Variants in IMMP2L observed in about 807,000 individuals in gnomAD.
The protein encoded by IMMP2L is mitochondrial inner membrane protease subunit 2.
A neutral mutation model predicts 19.3 loss-of-function variants in IMMP2L; 18 were observed. That is an observed-to-expected ratio of 0.93 (90% confidence interval 0.64 to 1.38). The LOEUF (loss-of-function observed/expected upper bound fraction) is 1.38. Among genes scored for constraint, IMMP2L ranks in the 40% most tolerant of loss-of-function variants. IMMP2L has a pLI of 0.00. For missense variants in IMMP2L, 233 were observed against 218.2 expected (o/e 1.07, Z -0.43); for synonymous variants, 76 against 73.0 (o/e 1.04, Z -0.21).
At chr7:111,114,467 G>A (rs1799608495) in intron 3 of IMMP2L, among the ~76,000 whole-genome samples, 1 of 152,128 alleles carries the variant, frequency 6.6e-6, no homozygotes, top group South Asian at 2.1e-4. Context: ...GCTGGGCACA[G>A]TGACCCACAC....
intron 1 of IMMP2L, among the ~76,000 whole-genome samples, chr7:111,531,901 T>C (rs1372520506): frequency 6.6e-6 from 1 of 152,072 alleles, no homozygotes; most frequent in Non-Finnish European, 1.5e-5. Flanking sequence ...TCAGGAATAC[T>C]TACTGAATAG....
chr7:111,407,921 G>T (rs1428763713), intron 3 of IMMP2L, among the ~76,000 whole-genome samples: 1 of 152,102 alleles, frequency 6.6e-6, no homozygotes, highest in Non-Finnish European at 1.5e-5. Context: ...TTAGGTTCAA[G>T]AATTGTTCTG....
At chr7:110,963,441 T>G (rs1283981245) in intron 4 of IMMP2L, 59 bp downstream of exon 4, 22 of 1,188,660 alleles carry the variant, frequency 1.9e-5, no homozygotes, top group Non-Finnish European at 2.5e-5. Context: ...CCAAGTAATG[T>G]AGGTAACAGA....
chr7:110,957,795 A>G (rs1818511470), intron 4 of IMMP2L, among the ~76,000 whole-genome samples: 1 of 151,894 alleles, frequency 6.6e-6, no homozygotes, highest in African/African-American at 2.4e-5. Flanking sequence ...GTCTCTTCAA[A>G]CATCTTTTTG....
intron 5 of IMMP2L, among the ~76,000 whole-genome samples, chr7:110,696,945 C>T (rs1793933311): frequency 1.3e-5 from 2 of 152,034 alleles, no homozygotes; most frequent in Non-Finnish European, 2.9e-5. Flanking sequence ...CAATAAACAG[C>T]AATAAAGCCT....
At chr7:111,162,165 AATT>A (rs1226627805) in intron 3 of IMMP2L, among the ~76,000 whole-genome samples, 1 of 152,148 alleles carries the variant, frequency 6.6e-6, no homozygotes, top group Admixed American at 6.6e-5. Flanking sequence ...TTGATAAATA[AATT>A]ATTGATCGCT....
At chr7:111,522,938 T>TATATGTATATATATA (rs199823915) in intron 1 of IMMP2L, among the ~76,000 whole-genome samples, 12 of 148,724 alleles carry the variant, frequency 8.1e-5, no homozygotes, top group Non-Finnish European at 1.2e-4. Context: ...TATATATATA[T>TATATGTATATATATA]TATTTCACCA....
At chr7:110,966,178 T>C (rs1395749469) in intron 3 of IMMP2L, among the ~76,000 whole-genome samples, 2 of 152,050 alleles carry the variant, frequency 1.3e-5, no homozygotes, top group Non-Finnish European at 2.9e-5. Flanking sequence ...AAAATATTAT[T>C]TGTGGCATGA....
rs1312860597 is a variant in IMMP2L, at chr7:111,123,553, A to C, written c.240-159988T>G. The C allele has an allele frequency of 1.9e-6, 3 of 1,613,830 alleles. No individual in the cohort carries two copies. Among genetic ancestry groups the C allele is most frequent in the Non-Finnish European group, 2.5e-6 (3 of 1,179,898 alleles). On this transcript the variant is annotated intron_variant, in intron 3 of 5. Coordinates refer to ENST00000405709, the MANE Select transcript of IMMP2L (RefSeq NM_032549.4). This position sits in a 1 kb window ranked among gnomAD's most constrained non-coding sequence, Gnocchi z 6.4. ...CCATGTTGCTCTTCAAAAAGTTGTAAATCTCAAATTTTTGGATCTAAATAA... is the reference window on the plus strand; with the variant it reads ...CCATGTTGCTCTTCAAAAAGTTGTACATCTCAAATTTTTGGATCTAAATAA...
At chr7:110,798,177 AAAAAG>A (rs1800991022) in intron 5 of IMMP2L, among the ~76,000 whole-genome samples, 1 of 151,976 alleles carries the variant, frequency 6.6e-6, no homozygotes, top group South Asian at 2.1e-4. Context: ...TTACAGGAAA[AAAAAG>A]AAAAGCACAA....
Position 111,414,377 on chromosome 7 carries a change from A to G in IMMP2L, c.239+72861T>C, listed in dbSNP as rs565014285. On this transcript the variant is annotated intron_variant, in intron 3 of 5. Coordinates refer to ENST00000405709, the MANE Select transcript of IMMP2L (RefSeq NM_032549.4). ...ACCTATAAAGCCATGGAAAGACATGAAAGAGTCTTAGCCAGCATACTGCTG... is the reference window on the plus strand; with the variant it reads ...ACCTATAAAGCCATGGAAAGACATGGAAGAGTCTTAGCCAGCATACTGCTG... Among the ~76,000 whole-genome samples, 70 of 152,058 alleles carry G rather than the reference A, an allele frequency of 4.6e-4. 2 individuals carry two copies. The highest frequency in any genetic ancestry group is 3.4e-3 in the Middle Eastern group (1 of 294).
chr7:111,234,270 A>C (rs1814041450), intron 3 of IMMP2L, among the ~76,000 whole-genome samples: 2 of 152,072 alleles, frequency 1.3e-5, no homozygotes, highest in South Asian at 4.1e-4. Flanking sequence ...AATTTCATTA[A>C]ACTCAGATAA....
chr7:111,270,485 T>C (rs1001660152), intron 3 of IMMP2L, among the ~76,000 whole-genome samples: 3 of 152,130 alleles, frequency 2.0e-5, no homozygotes, highest in African/African-American at 4.8e-5. Flanking sequence ...TATGTAGATG[T>C]AGTCCATCAG....
At chr7:110,784,659 G>T (rs1799952303) in intron 5 of IMMP2L, among the ~76,000 whole-genome samples, 1 of 151,926 alleles carries the variant, frequency 6.6e-6, no homozygotes, top group South Asian at 2.1e-4. Flanking sequence ...ACCTCTCAAT[G>T]AGGTCTCCAA....
rs187021399 is a variant in IMMP2L, at chr7:111,526,081, T to C, written c.-2-4632A>G. The stretch of plus-strand genomic sequence containing the variant: ...GCCTAGGGGCAAAATAAAATGTAGC[T>C]GTTTAAGAAACTAAAATAAGTTCAG... On this transcript the variant is annotated intron_variant, in intron 1 of 5. Transcript: ENST00000405709. Among the ~76,000 whole-genome samples the C allele has an allele frequency of 1.4e-3, 212 of 152,190 alleles. 1 individual carries two copies. The highest frequency in any genetic ancestry group is 4.9e-3 in the African/African-American group (204 of 41,522).
intron 3 of IMMP2L, among the ~76,000 whole-genome samples, chr7:111,280,492 A>C (rs1819567995): frequency 6.6e-6 from 1 of 152,196 alleles, no homozygotes; most frequent in Non-Finnish European, 1.5e-5. Flanking sequence ...CAGAAGGCCC[A>C]AGGAGGCAGA....
chr7:110,802,474 T>C (rs1801329483), intron 5 of IMMP2L, among the ~76,000 whole-genome samples: 1 of 151,950 alleles, frequency 6.6e-6, no homozygotes, highest in African/African-American at 2.4e-5. Context: ...TAATATCCTA[T>C]ACCATTATTA....
intron 5 of IMMP2L, among the ~76,000 whole-genome samples, chr7:110,764,520 T>C (rs1798543328): frequency 6.6e-6 from 1 of 152,102 alleles, no homozygotes; most frequent in Admixed American, 6.5e-5. Flanking sequence ...GATTGAGCTT[T>C]TAAATAACTC....
intron 3 of IMMP2L, among the ~76,000 whole-genome samples, chr7:111,369,805 T>C (rs183847647): frequency 2.0e-5 from 3 of 152,072 alleles, no homozygotes; most frequent in Admixed American, 1.3e-4. Context: ...GATATACTAT[T>C]TGTTACCACC....
Sources: allele counts gnomAD v4.1 joint callset (sites outside exome capture counted in the v4.1 genomes callset), GRCh38; gene constraint gnomAD v4.1.1; non-coding constraint Gnocchi (gnomAD v3.1); transcripts MANE v1.5; gene names NCBI Gene and HGNC (gene_info 2026-07-23, HGNC 2026-07-21).